The following AK5 variants were observed in gnomAD, a reference collection of about 807,000 sequenced individuals.
The protein encoded by AK5 is adenylate kinase 5, also known as adenylate kinase isoenzyme 5.
AK5 carries 27 observed loss-of-function variants against 69.5 expected under a neutral mutation model. That is an observed-to-expected ratio of 0.39 (90% CI 0.29 to 0.54). The LOEUF (loss-of-function observed/expected upper bound fraction) is 0.54, where lower values mean the gene tolerates loss of function less well. Among genes scored for constraint, AK5 ranks in the 20% least tolerant of loss-of-function variants. The pLI is 0.71. For missense variants in AK5, 531 were observed against 700.4 expected, an observed-to-expected ratio of 0.76 and a Z score of 2.73; for synonymous variants, 260 against 244.4, an observed-to-expected ratio of 1.06 and a Z score of -0.60.
At chr1:77,303,717 G>A (rs996405990) in intron 5 of AK5, among the ~76,000 whole-genome samples, 1 of 152,190 alleles carries the variant, frequency 6.6e-6, no homozygotes, top group African/African-American at 2.4e-5. Context: ...AGAGGTTTAA[G>A]AGCACAATTT....
intron 13 of AK5, among the ~76,000 whole-genome samples, chr1:77,556,798 G>A (rs374887981): frequency 1.3e-5 from 2 of 152,106 alleles, no homozygotes; most frequent in South Asian, 2.1e-4. Flanking sequence ...GTTTCTCAAA[G>A]TGTGCTCCAA....
chr1:77,531,385 A>C (rs1658574956), intron 12 of AK5, among the ~76,000 whole-genome samples: 2 of 151,980 alleles, frequency 1.3e-5, no homozygotes, highest in South Asian at 4.2e-4. Flanking sequence ...TTTTACAGAG[A>C]GCTGATTGGT....
chr1:77,467,489 G>A (rs1301696750), intron 8 of AK5, among the ~76,000 whole-genome samples: 1 of 152,208 alleles, frequency 6.6e-6, no homozygotes, highest in Non-Finnish European at 1.5e-5. Context: ...TGAAGCTGAT[G>A]TTCAAAGATA....
At chr1:77,329,812 G>T (rs114903114) in intron 5 of AK5, among the ~76,000 whole-genome samples, 1 of 152,108 alleles carries the variant, frequency 6.6e-6, no homozygotes, top group Admixed American at 6.6e-5. Flanking sequence ...TCAGGTTGCC[G>T]TGCTATTGTC....
intron 6 of AK5, among the ~76,000 whole-genome samples, chr1:77,385,742 T>A (rs1647980115): frequency 6.6e-6 from 1 of 151,986 alleles, no homozygotes; most frequent in Admixed American, 6.6e-5. Flanking sequence ...TTCAGAGAAA[T>A]ATGAGAAAGT....
intron 8 of AK5, among the ~76,000 whole-genome samples, chr1:77,465,485 T>G (rs944506159): frequency 6.6e-6 from 1 of 152,210 alleles, no homozygotes; most frequent in African/African-American, 2.4e-5. Context: ...TTCCTAGGAC[T>G]TTGCATTTCT....
intron 5 of AK5, 184 bp downstream of exon 5, chr1:77,298,131 C>T: frequency 2.2e-6 from 1 of 450,866 alleles, no homozygotes; most frequent in Non-Finnish European, 3.9e-6. Context: ...AAATTAAAGA[C>T]AGTCTCTGCC....
At chr1:77,334,637 T>C (rs900072030) in intron 5 of AK5, among the ~76,000 whole-genome samples, 2 of 152,226 alleles carry the variant, frequency 1.3e-5, no homozygotes, top group African/African-American at 4.8e-5. Flanking sequence ...TGCTTCATTC[T>C]GGATTATTTT....
In AK5 at chr1:77,486,313, A is replaced by G. The variant is rs1017079418; in HGVS notation, c.1108A>G (p.Met370Val). The G allele has an allele frequency of 1.9e-6, 3 of 1,577,216 alleles. No individual in the cohort carries two copies. Among genetic ancestry groups the G allele is most frequent in the Non-Finnish European group, 1.7e-6 (2 of 1,149,320 alleles). The change falls in exon 10 of 14, where the codon ATG becomes GTG. Residue 370 changes from methionine to valine, a missense_variant. Transcript: ENST00000354567. ...AAGTTATTCTTATTTTAAAGGTTTC[A>G]TGGAAGATTTGAGAAAGTGTAAAAT... ...VFGEDTMGGF[M>V]EDLRKCKIIF...
At chr1:77,366,517 C>T (rs1277363462) in intron 6 of AK5, among the ~76,000 whole-genome samples, 1 of 152,064 alleles carries the variant, frequency 6.6e-6, no homozygotes, top group Non-Finnish European at 1.5e-5. Context: ...TTGTTTCATC[C>T]CTGCCAAGAT....
chr1:77,556,516 C>T (rs1325902096), intron 13 of AK5, among the ~76,000 whole-genome samples: 2 of 152,112 alleles, frequency 1.3e-5, no homozygotes, highest in Non-Finnish European at 1.5e-5. Flanking sequence ...ATGACTATGT[C>T]ACAATTTATC....
intron 8 of AK5, among the ~76,000 whole-genome samples, chr1:77,473,716 G>A (rs1026276285): frequency 6.6e-6 from 1 of 152,064 alleles, no homozygotes; most frequent in Non-Finnish European, 1.5e-5. Flanking sequence ...AGTCATTTGG[G>A]TGCAAAAAGA....
chr1:77,335,188 T>C (rs1661284164), intron 5 of AK5, among the ~76,000 whole-genome samples: 1 of 152,182 alleles, frequency 6.6e-6, no homozygotes, highest in Admixed American at 6.5e-5. Flanking sequence ...TCTTTGCTTA[T>C]ACAAAGGCAG....
chr1:77,551,889 C>T (rs7517486), intron 13 of AK5, among the ~76,000 whole-genome samples: 4,115 of 152,200 alleles, frequency 0.027, 126 homozygotes, highest in South Asian at 0.11. Flanking sequence ...GAGCCAGGCA[C>T]GGGGGGATAC....
At chr1:77,282,647 C>T in intron 1 of AK5, 1 of 1,209,080 alleles carries the variant, frequency 8.3e-7, no homozygotes, top group Non-Finnish European at 1.0e-6. Flanking sequence ...CATCGCGCCC[C>T]TCGGATGTGG....
intron 6 of AK5, among the ~76,000 whole-genome samples, chr1:77,346,457 C>T (rs1661921093): frequency 6.6e-6 from 1 of 152,140 alleles, no homozygotes; most frequent in Non-Finnish European, 1.5e-5. Flanking sequence ...AGCATCACTG[C>T]ACATATGGTG....
At chr1:77,324,503 GAGA>G (rs1660696145) in intron 5 of AK5, among the ~76,000 whole-genome samples, 1 of 152,178 alleles carries the variant, frequency 6.6e-6, no homozygotes, top group African/African-American at 2.4e-5. Flanking sequence ...CCAGTATGCT[GAGA>G]AGGATTCTGA....
intron 5 of AK5, among the ~76,000 whole-genome samples, chr1:77,335,876 A>G (rs972034202): frequency 6.6e-6 from 1 of 152,166 alleles, no homozygotes; most frequent in Non-Finnish European, 1.5e-5. Flanking sequence ...AGATCAAGGC[A>G]CTGGCATATT....
At chr1:77,557,414 T>G (rs1004140045) in intron 13 of AK5, 1 of 177,956 alleles carries the variant, frequency 5.6e-6, no homozygotes, top group Non-Finnish European at 1.2e-5. Flanking sequence ...TTCCCTGGCC[T>G]CCCAGGTGCT....
Sources: gnomAD v4.1 joint callset for allele counts (sites outside exome capture counted in the v4.1 genomes callset) on GRCh38, gnomAD v4.1.1 for gene constraint, MANE v1.5 for transcripts, NCBI Gene and HGNC (gene_info 2026-07-23, HGNC 2026-07-21) for gene names.